Variants in PCDH15 observed in about 807,000 individuals in gnomAD.
The protein encoded by PCDH15 is protocadherin related 15, also known as protocadherin-15.
A neutral mutation model predicts 178.5 loss-of-function variants in PCDH15; 129 were observed. That is an observed-to-expected ratio of 0.72 (90% CI 0.63 to 0.84). PCDH15 has a LOEUF of 0.84. Among genes scored for constraint, PCDH15 ranks in the 40% least tolerant of loss-of-function variants. PCDH15 has a pLI of 0.00. For missense variants in PCDH15, 2,230 were observed against 2,099.9 expected (o/e 1.06, Z -1.21); for synonymous variants, 800 against 732.0 (o/e 1.09, Z -1.50).
At chr10:55,233,432 T>A (rs1191915096) in intron 1 of PCDH15, among the ~76,000 whole-genome samples, 1 of 152,114 alleles carries the variant, frequency 6.6e-6, no homozygotes, top group Non-Finnish European at 1.5e-5. Context: ...TTTAGATTCA[T>A]AAAGCACATG....
intron 1 of PCDH15, among the ~76,000 whole-genome samples, chr10:55,265,076 C>T (rs1361734201): frequency 6.6e-6 from 1 of 151,986 alleles, no homozygotes; most frequent in Admixed American, 6.5e-5. Context: ...CCCTGACTTC[C>T]CTATCCACTT....
At chr10:54,692,832 A>T (rs1435986102) in intron 1 of PCDH15, among the ~76,000 whole-genome samples, 4 of 152,238 alleles carry the variant, frequency 2.6e-5, no homozygotes, top group Admixed American at 2.0e-4. Flanking sequence ...CATACTTAGC[A>T]TAAATGCAAA....
chr10:54,458,544 G>T (rs1412986147), intron 3 of PCDH15, among the ~76,000 whole-genome samples: 1 of 151,808 alleles, frequency 6.6e-6, no homozygotes, highest in African/African-American at 2.4e-5. Flanking sequence ...TTACTCAAGT[G>T]TCATCTCTTT....
At chr10:55,430,937 C>T (rs1418805820) in intron 2 of PCDH15, among the ~76,000 whole-genome samples, 1 of 152,074 alleles carries the variant, frequency 6.6e-6, no homozygotes, top group Non-Finnish European at 1.5e-5. Context: ...TTTGAATATG[C>T]AAGACTCCAC....
At chr10:55,398,965 A>G (rs1323382694) in intron 2 of PCDH15, among the ~76,000 whole-genome samples, 1 of 152,210 alleles carries the variant, frequency 6.6e-6, no homozygotes, top group Non-Finnish European at 1.5e-5. Flanking sequence ...GAATGAAAAA[A>G]TGTTGTGTAG....
chr10:53,851,595 T>C (rs1009639072), intron 28 of PCDH15, among the ~76,000 whole-genome samples: 10 of 148,084 alleles, frequency 6.8e-5, no homozygotes, highest in African/African-American at 2.5e-4. Flanking sequence ...TTTATTACAT[T>C]GATTTAAGAA....
chr10:55,521,808 C>T (rs146765019), intron 2 of PCDH15, among the ~76,000 whole-genome samples: 3 of 151,952 alleles, frequency 2.0e-5, no homozygotes, highest in South Asian at 2.1e-4. Flanking sequence ...CCTATCCCAC[C>T]GAACATCATA....
At chr10:54,843,222 G>T (rs1254766489) in intron 3 of PCDH15, among the ~76,000 whole-genome samples, 3 of 151,918 alleles carry the variant, frequency 2.0e-5, no homozygotes, top group African/African-American at 4.8e-5. Context: ...AAGTAAAGCT[G>T]TGCCCTGGCA....
intron 3 of PCDH15, among the ~76,000 whole-genome samples, chr10:54,417,181 C>T (rs928705672): frequency 6.6e-6 from 1 of 152,144 alleles, no homozygotes; most frequent in Admixed American, 6.6e-5. Flanking sequence ...TGAGCTACCT[C>T]ATCCAGCAAC....
At chr10:54,192,358 A>G (rs2133889583) in intron 11 of PCDH15, among the ~76,000 whole-genome samples, 1 of 152,240 alleles carries the variant, frequency 6.6e-6, no homozygotes, top group African/African-American at 2.4e-5. Flanking sequence ...AACATCAGGA[A>G]GTAATTCTAA....
intron 25 of PCDH15, among the ~76,000 whole-genome samples, chr10:53,919,393 C>T (rs1399710818): frequency 6.6e-6 from 1 of 152,162 alleles, no homozygotes; most frequent in African/African-American, 2.4e-5. Flanking sequence ...AATATGGGAG[C>T]TCTCAAGCTC....
At chr10:54,995,465 A>T (rs1231826547) in intron 2 of PCDH15, among the ~76,000 whole-genome samples, 1 of 151,876 alleles carries the variant, frequency 6.6e-6, no homozygotes, top group Admixed American at 6.6e-5. Flanking sequence ...GATTTTAAAA[A>T]TTTTGGTCTG....
chr10:55,227,000 A>G (rs888303823), intron 1 of PCDH15, among the ~76,000 whole-genome samples: 1 of 152,226 alleles, frequency 6.6e-6, no homozygotes, highest in East Asian at 1.9e-4. Context: ...TTTTAGTATC[A>G]CAAGACATGA....
chr10:55,267,225 T>C (rs1303854502), intron 1 of PCDH15, among the ~76,000 whole-genome samples: 1 of 152,172 alleles, frequency 6.6e-6, no homozygotes, highest in Non-Finnish European at 1.5e-5. Flanking sequence ...TTGTTAAAGA[T>C]ATACATATAT....
intron 2 of PCDH15, among the ~76,000 whole-genome samples, chr10:54,991,285 C>T (rs1227591943): frequency 6.6e-6 from 1 of 152,050 alleles, no homozygotes; most frequent in East Asian, 1.9e-4. Flanking sequence ...TGTAATGTAA[C>T]AATGATAACT....
At chr10:55,579,818 G>A (rs559926588) in intron 2 of PCDH15, among the ~76,000 whole-genome samples, 105 of 151,858 alleles carry the variant, frequency 6.9e-4, no homozygotes, top group Non-Finnish European at 7.2e-4. Flanking sequence ...TGGTTTTTTT[G>A]TTTGTTATGT....
chr10:54,012,568 G>T (rs2092622476), intron 20 of PCDH15, among the ~76,000 whole-genome samples: 1 of 152,080 alleles, frequency 6.6e-6, no homozygotes. Flanking sequence ...AACCTACAAA[G>T]AGAACCCATC....
At chr10:54,707,769 T>G (rs2132311916) in intron 1 of PCDH15, among the ~76,000 whole-genome samples, 1 of 152,228 alleles carries the variant, frequency 6.6e-6, no homozygotes, top group South Asian at 2.1e-4. Context: ...ATGCTTAGGG[T>G]TGAGTATACA....
chr10:55,246,317 T>G (rs1220693181), intron 1 of PCDH15, among the ~76,000 whole-genome samples: 1 of 152,218 alleles, frequency 6.6e-6, no homozygotes, highest in Non-Finnish European at 1.5e-5. Flanking sequence ...TACATGGATA[T>G]ATGAATATTG....
Sources: gnomAD v4.1 joint callset for allele counts (sites outside exome capture counted in the v4.1 genomes callset) on GRCh38, gnomAD v4.1.1 for gene constraint, MANE v1.5 for transcripts, NCBI Gene and HGNC (gene_info 2026-07-23, HGNC 2026-07-21) for gene names.